The following ZFP36L1 variants were observed in gnomAD, a reference collection of about 807,000 sequenced individuals.
ZFP36L1 encodes the protein ZFP36 like 1 zinc finger CCCH-type, also known as mRNA decay activator protein ZFP36L1.
A neutral mutation model predicts 16.7 loss-of-function variants in ZFP36L1; 4 were observed. The observed-to-expected ratio is 0.24, with a 90% CI of 0.12 to 0.55. ZFP36L1 has a LOEUF of 0.55. Among genes scored for constraint, ZFP36L1 ranks in the 20% least tolerant of loss-of-function variants. The pLI is 0.94. For missense variants in ZFP36L1, 311 were observed against 449.2 expected (o/e 0.69, Z 2.78); for synonymous variants, 220 against 190.8 (o/e 1.15, Z -1.26).
rs1054643594 is a variant in ZFP36L1, at chr14:68,788,469, G to T, written c.*1064C>A. 1 of 152,728 alleles carries T rather than the reference G, an allele frequency of 6.5e-6. No homozygotes were observed. The highest frequency in any genetic ancestry group is 2.4e-5 in the African/African-American group (1 of 41,442). The allele number at this position is 152,728 out of a possible 1,614,324, so 9.5% of individuals were successfully genotyped here. On this transcript the variant is annotated 3_prime_UTR_variant, in exon 2 of 2. Transcript: ENST00000439696. ...TAAAACCCAGGGAAGAAAGCATGGC[G>T]TGAGTGCTCTAAGGATAGACCTACG...
chr14:68,788,724 C>A lies in ZFP36L1; in HGVS notation c.*809G>T, dbSNP rs1032144509. 6.6e-6 allele frequency: 1 copy of A among 152,342 alleles called. No individual in the cohort carries two copies. Among genetic ancestry groups the A allele is most frequent in the African/African-American group, 2.4e-5 (1 of 41,298 alleles). The allele number at this position is 152,342 out of a possible 1,614,324, so 9.4% of individuals were successfully genotyped here. A position where few individuals can be genotyped will look rare whatever the true frequency, so the allele number is the denominator to read the frequency against. On this transcript the variant is annotated 3_prime_UTR_variant, in exon 2 of 2. Transcript: ENST00000439696. ...GTCCATCTAGCTTCCCCTTCCTCCCCACTTAAAAAAAAGAAAAAATTAAAT... is the reference window on the plus strand; with the variant it reads ...GTCCATCTAGCTTCCCCTTCCTCCCAACTTAAAAAAAAGAAAAAATTAAAT...
upstream of ZFP36L1, chr14:68,793,557 G>A (rs117681454): frequency 7.1e-6 from 7 of 985,974 alleles, no homozygotes; most frequent in South Asian, 1.9e-4. Flanking sequence ...TTTTGCCAGC[G>A]GGAGCTGAAG....
chr14:68,792,830 T>A, intron 1 of ZFP36L1, 52 bp downstream of exon 1: 1 of 1,612,152 alleles, frequency 6.2e-7, no homozygotes, highest in Non-Finnish European at 8.5e-7. Flanking sequence ...GGTTCTTTCT[T>A]AAGGCAAAAG....
rs900100482 is a variant in ZFP36L1 at position 68,788,140 on chromosome 14, T to A, written c.*1393A>T. On this transcript the variant is annotated 3_prime_UTR_variant, in exon 2 of 2. Transcript: ENST00000439696. ...TTTTTAAATTAATTTTTCATTTTTT[T>A]AAAATAAAATAACCAAAAAAGTGTA... 1 of 151,870 alleles carries A rather than the reference T, an allele frequency of 6.6e-6. No individual in the cohort carries two copies. Among genetic ancestry groups the A allele is most frequent in the Admixed American group, 6.6e-5 (1 of 15,252 alleles). 9.4% of individuals were successfully genotyped at this position (151,870 alleles called of 1,614,324 possible). A position where few individuals can be genotyped will look rare whatever the true frequency, so the allele number is the denominator to read the frequency against.
intron 1 of ZFP36L1, among the ~76,000 whole-genome samples, chr14:68,792,025 T>C (rs536560532): frequency 1.3e-5 from 2 of 152,328 alleles, no homozygotes; most frequent in East Asian, 1.9e-4. Context: ...ACAACATCCA[T>C]AGACTTTTGC....
At chr14:68,792,469 C>T (rs1895111877) in intron 1 of ZFP36L1, among the ~76,000 whole-genome samples, 1 of 152,200 alleles carries the variant, frequency 6.6e-6, no homozygotes, top group African/African-American at 2.4e-5. Context: ...CTCCCACTCC[C>T]AACCCCACGG....
Position 68,790,275 on chromosome 14 carries a change from G to A in ZFP36L1, c.275C>T (p.Ser92Leu). Residue 92 changes from serine (S) to leucine (L), a missense_variant, in exon 2 of 2, where the codon TCG becomes TTG. Physicochemically the swap from Ser to Leu is moderately radical, Grantham distance 145. Transcript: ENST00000439696. Reference protein sequence around the residue: ...RDSRFRDRSFSEGGERLLPTQ... With the variant: ...RDSRFRDRSFLEGGERLLPTQ... ...GGGCAGCAGCCGCTCGCCCCCTTCC[G>A]AGAAGGAGCGGTCTCGGAAGCGGCT... 1.2e-6 allele frequency: 2 copies of A among 1,610,530 alleles called. No individual in the cohort carries two copies. Among genetic ancestry groups the A allele is most frequent in the South Asian group, 1.1e-5 (1 of 91,062 alleles).
rs751296409 is a variant in ZFP36L1 at position 68,792,972 on chromosome 14, T to C, written c.-34A>G. 37 of 1,612,858 alleles carry C rather than the reference T, an allele frequency of 2.3e-5. No individual in the cohort carries two copies. The highest frequency in any genetic ancestry group is 1.6e-4 in the South Asian group (15 of 91,084). The stretch of plus-strand genomic sequence containing the variant: ...TTCGCGCGAGCCAGGGGCGAGGATC[T>C]GGTGTGTCGCGAAGGTCCCGGTGCG... On this transcript the variant is annotated 5_prime_UTR_variant, in exon 1 of 2. Transcript: ENST00000439696.
intron 1 of ZFP36L1, 93 bp from the exon 2 acceptor site, chr14:68,790,585 C>T (rs2140209866): frequency 2.0e-6 from 3 of 1,519,744 alleles, no homozygotes; most frequent in South Asian, 1.2e-5. Flanking sequence ...AACGCCCGCT[C>T]TTTCTCAAAG....
intron 1 of ZFP36L1, among the ~76,000 whole-genome samples, chr14:68,792,376 T>C (rs569054538): frequency 6.6e-6 from 1 of 152,208 alleles, no homozygotes; most frequent in Non-Finnish European, 1.5e-5. Flanking sequence ...GAATCACAAC[T>C]TGGCCTTTCT....
At chr14:68,791,078 T>C (rs553560154) in intron 1 of ZFP36L1, 33 of 702,112 alleles carry the variant, frequency 4.7e-5, no homozygotes, top group African/African-American at 2.8e-4. Flanking sequence ...GGGGAGGAGA[T>C]TGGGGGCCTG....
upstream of ZFP36L1, chr14:68,795,768 C>A (rs752837602): frequency 7.5e-6 from 4 of 534,436 alleles, no homozygotes; most frequent in Non-Finnish European, 3.8e-6. Flanking sequence ...TAATTAAACT[C>A]TTTTTTAAAT....
At chr14:68,795,851 C>G (rs150213956), upstream of ZFP36L1, 194 of 557,564 alleles carry the variant, frequency 3.5e-4, no homozygotes, top group African/African-American at 3.3e-3. Context: ...AGTCCCTTAA[C>G]CCTTCGCTGA....
upstream of ZFP36L1, chr14:68,793,165 A>C: frequency 3.3e-6 from 4 of 1,201,912 alleles, no homozygotes; most frequent in Non-Finnish European, 4.2e-6. Context: ...GAGGAGGAAA[A>C]AGAAGTTGAT....
upstream of ZFP36L1, among the ~76,000 whole-genome samples, chr14:68,795,566 A>G (rs1303388336): frequency 6.6e-6 from 1 of 152,052 alleles, no homozygotes; most frequent in African/African-American, 2.4e-5. Context: ...AATGGCTACA[A>G]AGTGGATTTT....
Position 68,789,494 on chromosome 14 carries a change from A to G in ZFP36L1, c.*39T>C, listed in dbSNP as rs1464455220. 6.2e-7 allele frequency: 1 copy of G among 1,611,514 alleles called. No individual in the cohort carries two copies. The highest frequency in any genetic ancestry group is 1.7e-5 in the Admixed American group (1 of 59,918). On this transcript the variant is annotated 3_prime_UTR_variant, in exon 2 of 2. Coordinates refer to ENST00000439696, the MANE Select transcript of ZFP36L1 (RefSeq NM_004926.4). The surrounding 1 kb of genome is among the most constrained non-coding windows in gnomAD (Gnocchi z 4.5). ...AGGGTATGGGATGTGGGTGCAGGGT[A>G]GGGGCTGGAGTAGGCAGGAGGTCCC...
chr14:68,795,451 C>T (rs1895225234), upstream of ZFP36L1, among the ~76,000 whole-genome samples: 1 of 152,190 alleles, frequency 6.6e-6, no homozygotes, highest in Admixed American at 6.5e-5. Flanking sequence ...CCCTTCCCGG[C>T]CCAGGGCCTG....
intron 1 of ZFP36L1, among the ~76,000 whole-genome samples, chr14:68,792,171 T>C (rs998337812): frequency 6.6e-6 from 1 of 152,042 alleles, no homozygotes; most frequent in East Asian, 1.9e-4. Flanking sequence ...CAAGCCAGCA[T>C]TTTGTCGCCA....
chr14:68,795,961 T>C, upstream of ZFP36L1: 2 of 1,314,670 alleles, frequency 1.5e-6, no homozygotes. Flanking sequence ...AGGGCGGCCC[T>C]ACGGTGCAGG....
Sources: allele counts gnomAD v4.1 joint callset (sites outside exome capture counted in the v4.1 genomes callset), GRCh38; gene constraint gnomAD v4.1.1; non-coding constraint Gnocchi (gnomAD v3.1); transcripts MANE v1.5; gene names NCBI Gene and HGNC (gene_info 2026-07-23, HGNC 2026-07-21).